Variants in SLC6A6 observed in about 807,000 individuals in gnomAD.
SLC6A6 encodes sodium- and chloride-dependent taurine transporter.
Under a neutral mutation model 68.8 loss-of-function variants are expected in SLC6A6, and 16 were observed. The observed-to-expected ratio is 0.23, with a 90% CI of 0.16 to 0.35. SLC6A6 has a LOEUF of 0.35. SLC6A6 is among the 10% of genes least tolerant of loss of function. The probability of loss-of-function intolerance (pLI) is 1.00; values close to 1 mark genes in which losing one functional copy is unlikely to be tolerated. For missense variants in SLC6A6, 474 were observed against 802.8 expected (o/e 0.59, Z 4.95); for synonymous variants, 312 against 315.4 (o/e 0.99, Z 0.12).
At chr3:14,415,353 A>G (rs1270972793) in intron 1 of SLC6A6, among the ~76,000 whole-genome samples, 1 of 152,148 alleles carries the variant, frequency 6.6e-6, no homozygotes, top group African/African-American at 2.4e-5. Flanking sequence ...GGCTGCCGGG[A>G]CTGGCATTTA....
rs1574972957 is a variant in SLC6A6 at position 14,484,913 on chromosome 3, T to G, written c.1769T>G (p.Val590Gly). The part of the protein sequence containing the change: ...LTPREPNRWA[V>G]EREGATPYNS... ...CCAAGGGAACCCAACCGCTGGGCTG[T>G]GGAGCGCGAGGGAGCCACACCTTAC... Residue 590 changes from valine to glycine, a missense_variant, in exon 15 of 15, where the codon GTG (valine) becomes GGG (glycine). Val to Gly is a moderately radical substitution (Grantham distance 109). Around this residue, in one of 2 missense-constraint regions of SLC6A6, gnomAD observed 194 missense variants for 269.8 expected, o/e 0.72. Coordinates refer to ENST00000622186, the MANE Select transcript of SLC6A6 (RefSeq NM_003043.6). 6.2e-7 allele frequency: 1 copy of G among 1,612,324 alleles called. No homozygotes were observed. The highest frequency in any genetic ancestry group is 8.5e-7 in the Non-Finnish European group (1 of 1,179,968).
chr3:14,462,455 G>A (rs1351436357), intron 6 of SLC6A6, among the ~76,000 whole-genome samples: 2 of 152,062 alleles, frequency 1.3e-5, no homozygotes, highest in Non-Finnish European at 2.9e-5. Flanking sequence ...CCCAGCACTT[G>A]GGGGAGCCGA....
chr3:14,404,906 C>A (rs1182649901), intron 1 of SLC6A6, among the ~76,000 whole-genome samples: 1 of 152,252 alleles, frequency 6.6e-6, no homozygotes, highest in African/African-American at 2.4e-5. Context: ...ATCATCCTCC[C>A]CTGCCTCCTT....
Position 14,478,517 on chromosome 3 carries a change from T to G in SLC6A6, c.1399T>G (p.Cys467Gly). ...TGACTACTATGCAGCTAGCGGTGTA[T>G]GCCTTTTGTGGGTTGCATTCTTTGA... is the stretch of plus-strand genomic sequence containing the variant. ...LFDYYAASGV[C>G]LLWVAFFECF... The change falls in exon 12 of 15, where the codon TGC (cysteine) becomes GGC (glycine). Residue 467 changes from cysteine to glycine, a missense_variant. Physicochemically the swap from Cys to Gly is radical, Grantham distance 159 (BLOSUM62 -3). Transcript: ENST00000622186. 6.2e-7 allele frequency: 1 copy of G among 1,613,822 alleles called. No individual in the cohort carries two copies. Among genetic ancestry groups the G allele is most frequent in the Non-Finnish European group, 8.5e-7 (1 of 1,179,658 alleles).
At chr3:14,465,029 C>G (rs1010499985) in intron 6 of SLC6A6, among the ~76,000 whole-genome samples, 3 of 152,230 alleles carry the variant, frequency 2.0e-5, no homozygotes, top group African/African-American at 7.2e-5. Flanking sequence ...AGTTTCTCCA[C>G]TGTAAACCAC....
chr3:14,415,125 C>T (rs986851014), intron 1 of SLC6A6, among the ~76,000 whole-genome samples: 1 of 152,178 alleles, frequency 6.6e-6, no homozygotes, highest in Non-Finnish European at 1.5e-5. Context: ...CCGGTGGTTC[C>T]AGGCCTCATG....
intron 2 of SLC6A6, among the ~76,000 whole-genome samples, chr3:14,419,104 A>C (rs948307267): frequency 2.0e-5 from 3 of 152,230 alleles, no homozygotes; most frequent in Non-Finnish European, 2.9e-5. Context: ...AGAGGTTGCC[A>C]ATGTTCCTCT....
At chr3:14,434,510 T>C (rs1699806773) in intron 2 of SLC6A6, among the ~76,000 whole-genome samples, 1 of 152,230 alleles carries the variant, frequency 6.6e-6, no homozygotes, top group African/African-American at 2.4e-5. Flanking sequence ...TGGCACATAG[T>C]AGGGTGAGTT....
At chr3:14,454,390 C>T (rs964067776) in intron 5 of SLC6A6, among the ~76,000 whole-genome samples, 3 of 152,078 alleles carry the variant, frequency 2.0e-5, no homozygotes, top group African/African-American at 2.4e-5. Context: ...TCCCTCGGCA[C>T]GACACTCTAC....
At chr3:14,480,478 T>TG (rs3836357) in intron 13 of SLC6A6, among the ~76,000 whole-genome samples, 85,835 of 151,976 alleles carry the variant, frequency 0.56, 27,216 homozygotes, top group African/African-American at 0.87. Context: ...AGGCACTGGC[T>TG]CAAGCTCCTC....
intron 6 of SLC6A6, among the ~76,000 whole-genome samples, chr3:14,458,464 G>A (rs1303107939): frequency 2.0e-5 from 3 of 152,198 alleles, no homozygotes; most frequent in African/African-American, 7.2e-5. Flanking sequence ...CTAATAAATA[G>A]GTTAGCTGGT....
intron 2 of SLC6A6, among the ~76,000 whole-genome samples, chr3:14,440,696 C>T (rs1317242732): frequency 6.6e-6 from 1 of 152,106 alleles, no homozygotes; most frequent in Non-Finnish European, 1.5e-5. Context: ...GGGCCTGTAG[C>T]TCGTGGTTGC....
chr3:14,482,643 C>T (rs1268471114), intron 14 of SLC6A6, among the ~76,000 whole-genome samples: 4 of 152,170 alleles, frequency 2.6e-5, no homozygotes, highest in Admixed American at 6.5e-5. Context: ...GTCCTGTTTC[C>T]TCCTGGGCAG....
At chr3:14,447,291 A>G (rs750957770) in intron 4 of SLC6A6, among the ~76,000 whole-genome samples, 7 of 151,596 alleles carry the variant, frequency 4.6e-5, no homozygotes, top group African/African-American at 9.7e-5. Context: ...CAACCATCCA[A>G]TCAACCATCC....
chr3:14,478,451 T>G lies in SLC6A6; in HGVS notation c.1348-15T>G, dbSNP rs1347692840. ...CAGGTAGGAAATCGACCTTCTGTGGTTTTTTTCTTCACAGGGTGGCATGTA... is the reference window on the plus strand; with the variant it reads ...CAGGTAGGAAATCGACCTTCTGTGGGTTTTTTCTTCACAGGGTGGCATGTA... On this transcript the variant is annotated splice_polypyrimidine_tract_variant and intron_variant, in intron 11 of 14. Transcript: ENST00000622186. 1 of 1,576,918 alleles carries G rather than the reference T, an allele frequency of 6.3e-7. No homozygotes were observed. Among genetic ancestry groups the G allele is most frequent in the African/African-American group, 1.3e-5 (1 of 74,182 alleles).
At chr3:14,458,392 C>T (rs1007877235) in intron 6 of SLC6A6, among the ~76,000 whole-genome samples, 2 of 152,234 alleles carry the variant, frequency 1.3e-5, no homozygotes, top group Admixed American at 1.3e-4. Flanking sequence ...TCCACCACAG[C>T]TTTCTCATCT....
At chr3:14,466,204 G>A (rs1190340046) in intron 6 of SLC6A6, among the ~76,000 whole-genome samples, 1 of 150,524 alleles carries the variant, frequency 6.6e-6, no homozygotes, top group Admixed American at 6.6e-5. Flanking sequence ...GGAGGTTGCA[G>A]TGAGCCGAGA....
In SLC6A6 at chr3:14,453,093, G is replaced by A. The variant is rs1013630325; in HGVS notation, c.600-4857G>A. On this transcript the variant is annotated intron_variant, in intron 5 of 14. Transcript: ENST00000622186. The stretch of plus-strand genomic sequence containing the variant: ...GCACGGCCCCGTGCTCTGGGCGGAC[G>A]GGCCCTTTTATAATTGTTGCCTCTG... Among the ~76,000 whole-genome samples the A allele has an allele frequency of 1.2e-4, 19 of 152,256 alleles. No homozygotes were observed. The East Asian group carries it at 1.5e-3, about 12-fold the overall frequency.
Position 14,443,802 on chromosome 3 carries a change from C to T in SLC6A6, c.168C>T (p.Gly56=), listed in dbSNP as rs41284011. 3,226 of 1,612,718 alleles carry T rather than the reference C, an allele frequency of 2.0e-3. 8 individuals are homozygous for T. The highest frequency in any genetic ancestry group is 3.3e-3 in the South Asian group (297 of 91,086). ...SKIDFVLSVA[G]GFVGLGNVWR... is the part of the protein sequence containing the mutation. ...TCGACTTTGTGCTCTCTGTGGCTGG[C>T]GGCTTCGTGGGCTTGGGCAACGTCT... is the stretch of plus-strand genomic sequence containing the variant. The change falls in exon 3 of 15, where the codon GGC becomes GGT. Residue 56 remains glycine (G), a synonymous_variant. Coordinates refer to ENST00000622186, the MANE Select transcript of SLC6A6 (RefSeq NM_003043.6).
Sources: allele counts gnomAD v4.1 joint callset (sites outside exome capture counted in the v4.1 genomes callset), GRCh38; gene constraint gnomAD v4.1.1; regional missense constraint gnomAD v4.1.1; transcripts MANE v1.5; gene names NCBI Gene and HGNC (gene_info 2026-07-23, HGNC 2026-07-21).